KDM2B: variants seen among roughly 807,000 people sequenced by gnomAD.
KDM2B encodes the protein lysine demethylase 2B.
Under a neutral mutation model 150.0 loss-of-function variants are expected in KDM2B, and 26 were observed. The observed-to-expected ratio is 0.17, with a 90% confidence interval of 0.13 to 0.24. The LOEUF (loss-of-function observed/expected upper bound fraction) is 0.24. Ranked by LOEUF, KDM2B falls within the 10% of genes least tolerant of loss-of-function variation. KDM2B has a pLI of 1.00. For synonymous variants in KDM2B, 734 were observed against 729.5 expected (o/e 1.01, Z -0.10); for missense variants, 1,265 against 1,816.9 (o/e 0.70, Z 5.52).
intron 4 of KDM2B, among the ~76,000 whole-genome samples, chr12:121,558,744 T>G (rs1489583964): frequency 6.6e-6 from 1 of 151,962 alleles, no homozygotes; most frequent in African/African-American, 2.4e-5. Context: ...CGTGAGACAC[T>G]GCGCCCAGCC....
rs1387045260 is a variant in KDM2B at position 121,575,978 on chromosome 12, A to G, written c.272-119T>C. ...AAGGGGCAGGGGGTCCAGGAGATGC[A>G]GGCACCAGCTGTACAGCAAAAGCTC... is the stretch of plus-strand genomic sequence containing the variant. On this transcript the variant is annotated intron_variant, in intron 2 of 22. Coordinates refer to ENST00000377071, the MANE Select transcript of KDM2B (RefSeq NM_032590.5). This position sits in a 1 kb window ranked among gnomAD's most constrained non-coding sequence, Gnocchi z 4.4. The G allele has an allele frequency of 2.7e-6, 2 of 731,370 alleles. No homozygotes were observed. The highest frequency in any genetic ancestry group is 1.7e-5 in the African/African-American group (1 of 57,664). The allele number at this position is 731,370 out of a possible 1,614,324, so 45.3% of individuals were successfully genotyped here.
the KDM2B span, chr12:121,423,723 T>C: frequency 1.4e-6 from 1 of 724,594 alleles, no homozygotes; most frequent in East Asian, 2.9e-5. The surrounding 1 kb of genome is among the most constrained non-coding windows in gnomAD (Gnocchi z 4.3). Flanking sequence ...AGATCCATCC[T>C]GAGTTGTGGA....
the KDM2B span, among the ~76,000 whole-genome samples, chr12:121,414,219 A>G: frequency 6.6e-6 from 1 of 152,272 alleles, no homozygotes; most frequent in Admixed American, 6.5e-5. Context: ...GTATTATTAT[A>G]TGCTGCCATT....
intron 11 of KDM2B, among the ~76,000 whole-genome samples, chr12:121,502,392 T>TA (rs1211014248): frequency 1.4e-4 from 22 of 152,120 alleles, no homozygotes; most frequent in African/African-American, 5.3e-4. Flanking sequence ...GAGGCCGAGA[T>TA]AGGCAGATTG....
In KDM2B at chr12:121,430,540, G is replaced by C; in HGVS notation, c.3830-71C>G. ...GAAGCCCCCCCGCCGCCAGACCCAG[G>C]CACTCAGCAGTGGGGACAGGTCAGA... On this transcript the variant is annotated intron_variant, in intron 22 of 22. Coordinates refer to ENST00000377071, the MANE Select transcript of KDM2B (RefSeq NM_032590.5). The surrounding 1 kb of genome is among the most constrained non-coding windows in gnomAD (Gnocchi z 4.4). 9.5e-7 allele frequency: 1 copy of C among 1,053,258 alleles called. No individual in the cohort carries two copies. Among genetic ancestry groups the C allele is most frequent in the South Asian group, 1.3e-5 (1 of 77,360 alleles). 65.2% of individuals were successfully genotyped at this position (1,053,258 alleles called of 1,614,324 possible).
chr12:121,487,467 C>T (rs782701726), intron 12 of KDM2B, among the ~76,000 whole-genome samples: 2 of 152,170 alleles, frequency 1.3e-5, no homozygotes, highest in East Asian at 1.9e-4. Flanking sequence ...CTTGATTCTC[C>T]TGCCTTTCTT....
chr12:121,486,003 C>T (rs1169108879), intron 12 of KDM2B, among the ~76,000 whole-genome samples: 1 of 152,044 alleles, frequency 6.6e-6, no homozygotes, highest in Non-Finnish European at 1.5e-5. Flanking sequence ...TCTCGAACTC[C>T]TGATCTCAAG....
At chr12:121,492,520 C>G (rs1259690993) in intron 12 of KDM2B, among the ~76,000 whole-genome samples, 4 of 151,686 alleles carry the variant, frequency 2.6e-5, no homozygotes, top group Non-Finnish European at 5.9e-5. Flanking sequence ...GTTGGCCAGG[C>G]TAGTCTCGAA....
chr12:121,478,023 G>A (rs782590561), intron 12 of KDM2B, among the ~76,000 whole-genome samples: 4 of 151,934 alleles, frequency 2.6e-5, no homozygotes, highest in Middle Eastern at 3.2e-3. Flanking sequence ...GATTACAGGC[G>A]TGAGCCACCT....
chr12:121,551,900 C>G (rs1019885770), intron 4 of KDM2B, among the ~76,000 whole-genome samples: 1 of 151,904 alleles, frequency 6.6e-6, no homozygotes, highest in East Asian at 1.9e-4. Context: ...ACATTCTCCA[C>G]AAAAAGGAAA....
At chr12:121,477,267 T>C (rs1409515300) in intron 12 of KDM2B, among the ~76,000 whole-genome samples, 1 of 152,074 alleles carries the variant, frequency 6.6e-6, no homozygotes, top group African/African-American at 2.4e-5. Flanking sequence ...AGGCATGGTC[T>C]CACCTTGGCT....
rs1297651966 is a variant in KDM2B at position 121,467,346 on chromosome 12, G to A, written c.1735-14002C>T. On this transcript the variant is annotated intron_variant, in intron 12 of 22. Transcript: ENST00000377071. The surrounding 1 kb of genome is among the most constrained non-coding windows in gnomAD (Gnocchi z 5.1). ...CTCGGGCTCCCGCTGCCGCGAGGAG[G>A]GAGCCGCGCCGCGCGCCTCGCACGC... 9.2e-6 allele frequency: 9 copies of A among 981,644 alleles called. No individual in the cohort carries two copies. Among genetic ancestry groups the A allele is most frequent in the Admixed American group, 6.3e-5 (1 of 15,878 alleles). The allele number at this position is 981,644 out of a possible 1,614,324, so 60.8% of individuals were successfully genotyped here.
At position 121,533,053 on chromosome 12, in the gene KDM2B, A is replaced by G; in HGVS notation, c.778-94T>C. Reference sequence around the variant, plus strand: ...CTGCCTGGCGGAAGGGGAGGGGGCGAGACAAGCTGTGTGTGGGGTGGGGGG... The same window carrying G: ...CTGCCTGGCGGAAGGGGAGGGGGCGGGACAAGCTGTGTGTGGGGTGGGGGG... On this transcript the variant is annotated intron_variant, in intron 7 of 22. Coordinates refer to ENST00000377071, the MANE Select transcript of KDM2B (RefSeq NM_032590.5). The surrounding 1 kb of genome is among the most constrained non-coding windows in gnomAD (Gnocchi z 4.1). 7.6e-7 allele frequency: 1 copy of G among 1,311,282 alleles called. No homozygotes were observed. Among genetic ancestry groups the G allele is most frequent in the Non-Finnish European group, 1.1e-6 (1 of 934,138 alleles). 81.2% of individuals were successfully genotyped at this position (1,311,282 alleles called of 1,614,324 possible).
At chr12:121,528,305 T>A (rs1887327174) in intron 8 of KDM2B, among the ~76,000 whole-genome samples, 2 of 152,172 alleles carry the variant, frequency 1.3e-5, no homozygotes, top group Non-Finnish European at 2.9e-5. Context: ...ATGCCTGTAA[T>A]CCCAGCACTT....
chr12:121,409,945 C>T, the KDM2B span, among the ~76,000 whole-genome samples: 1 of 151,550 alleles, frequency 6.6e-6, no homozygotes, highest in Non-Finnish European at 1.5e-5. Flanking sequence ...CATCTGAGGT[C>T]AGGAGTTCGA....
chr12:121,467,412 C>T lies in KDM2B; in HGVS notation c.1735-14068G>A, dbSNP rs1473405848. On this transcript the variant is annotated intron_variant, in intron 12 of 22. Transcript: ENST00000377071. This position sits in a 1 kb window ranked among gnomAD's most constrained non-coding sequence, Gnocchi z 5.1. ...CGGGGAGGGGCCGGCGGGGGAGGGC[C>T]GGGGCGCCATGCATATGCATGAGGC... 2.6e-5 allele frequency: 24 copies of T among 927,892 alleles called. No individual in the cohort carries two copies. The highest frequency in any genetic ancestry group is 3.1e-5 in the Non-Finnish European group (24 of 780,242). 57.5% of individuals were successfully genotyped at this position (927,892 alleles called of 1,614,324 possible).
chr12:121,533,079 T>A lies in KDM2B; in HGVS notation c.778-120A>T. ...GACAAGCTGTGTGTGGGGTGGGGGG[T>A]GTGGAGAGATGGCAGATCCATCCCT... On this transcript the variant is annotated intron_variant, in intron 7 of 22. Transcript: ENST00000377071. The surrounding 1 kb of genome is among the most constrained non-coding windows in gnomAD (Gnocchi z 4.1). 1.1e-6 allele frequency: 1 copy of A among 925,220 alleles called. No individual in the cohort carries two copies. The highest frequency in any genetic ancestry group is 2.6e-5 in the East Asian group (1 of 38,772). The allele number at this position is 925,220 out of a possible 1,614,324, so 57.3% of individuals were successfully genotyped here.
At chr12:121,498,126 T>G (rs1555301345) in intron 11 of KDM2B, among the ~76,000 whole-genome samples, 3 of 151,894 alleles carry the variant, frequency 2.0e-5, no homozygotes, top group Non-Finnish European at 4.4e-5. Flanking sequence ...TAAATAAAGT[T>G]TTTCCCTCTT....
rs1555285223 is a variant in KDM2B, at chr12:121,430,328, A to G, written c.3971T>C (p.Phe1324Ser). 1 of 1,614,122 alleles carries G rather than the reference A, an allele frequency of 6.2e-7. No homozygotes were observed. The highest frequency in any genetic ancestry group is 8.5e-7 in the Non-Finnish European group (1 of 1,180,022). ...CAGGAGTTTTTCTTCTACTTGCCCA[A>G]ACTGGACACTCACAGACATCTCGGC... Reference protein sequence around the residue: ...FIAEMSVSVQFGQVEEKLLQK... With the variant: ...FIAEMSVSVQSGQVEEKLLQK... The change falls in exon 23 of 23, where the codon TTT becomes TCT. Residue 1324 changes from phenylalanine to serine, a missense_variant. Phe to Ser is a radical substitution (Grantham distance 155, BLOSUM62 -2). This residue lies in a region of KDM2B where 251 missense variants were observed against 397.8 expected (regional missense o/e 0.63). Coordinates refer to ENST00000377071, the MANE Select transcript of KDM2B (RefSeq NM_032590.5). This position sits in a 1 kb window ranked among gnomAD's most constrained non-coding sequence, Gnocchi z 4.4.
Sources: allele counts gnomAD v4.1 joint callset (sites outside exome capture counted in the v4.1 genomes callset), GRCh38; gene constraint gnomAD v4.1.1; regional missense constraint gnomAD v4.1.1; non-coding constraint Gnocchi (gnomAD v3.1); transcripts MANE v1.5; gene names NCBI Gene and HGNC (gene_info 2026-07-23, HGNC 2026-07-21).